Variants in ARL8B observed in about 807,000 individuals in gnomAD.
ARL8B encodes ARF like GTPase 8B.
Under a neutral mutation model 30.6 loss-of-function variants are expected in ARL8B, and 9 were observed. That is an observed-to-expected ratio of 0.29 (90% CI 0.18 to 0.51). ARL8B has a LOEUF of 0.51. Ranked by LOEUF, ARL8B falls within the 20% of genes least tolerant of loss-of-function variation. The pLI, the probability that ARL8B is intolerant of heterozygous loss-of-function variation, is 0.97. For synonymous variants in ARL8B, 74 were observed against 76.0 expected (o/e 0.97, Z 0.14); for missense variants, 130 against 227.2 (o/e 0.57, Z 2.75).
intron 1 of ARL8B, among the ~76,000 whole-genome samples, chr3:5,139,157 G>A (rs1189396592): frequency 6.6e-6 from 1 of 152,166 alleles, no homozygotes; most frequent in African/African-American, 2.4e-5. Flanking sequence ...ATTAGTTTGG[G>A]AGATGAAGTT....
At chr3:5,124,773 T>C (rs1386724217) in intron 1 of ARL8B, among the ~76,000 whole-genome samples, 1 of 152,222 alleles carries the variant, frequency 6.6e-6, no homozygotes, top group Non-Finnish European at 1.5e-5. Context: ...AGAGCTTTTA[T>C]ATAATATGGA....
At chr3:5,148,294 T>C (rs11711365) in intron 1 of ARL8B, among the ~76,000 whole-genome samples, 60,064 of 152,020 alleles carry the variant, frequency 0.4, 13,763 homozygotes, top group African/African-American at 0.65. Context: ...CCAATATCTC[T>C]GTGTCCCATG....
At chr3:5,136,029 C>T (rs2054322691) in intron 1 of ARL8B, among the ~76,000 whole-genome samples, 1 of 151,582 alleles carries the variant, frequency 6.6e-6, no homozygotes, top group African/African-American at 2.4e-5. Flanking sequence ...CTCAGGCAGT[C>T]CACCCGCCTC....
chr3:5,170,617 G>T lies in ARL8B; in HGVS notation c.204+34G>T, dbSNP rs182910757. 181 of 1,507,554 alleles carry T rather than the reference G, an allele frequency of 1.2e-4. No individual in the cohort carries two copies. The East Asian group carries it at 3.9e-3, about 33-fold the overall frequency. 93.4% of individuals were successfully genotyped at this position (1,507,554 alleles called of 1,614,324 possible). On this transcript the variant is annotated intron_variant, in intron 2 of 6. Coordinates refer to ENST00000256496, the MANE Select transcript of ARL8B (RefSeq NM_018184.3). ...TTTCTTGCCGTACGCAATTTAAATTGTTAGCACAGACCCCTAGAAATTTTT... is the reference window on the plus strand; with the variant it reads ...TTTCTTGCCGTACGCAATTTAAATTTTTAGCACAGACCCCTAGAAATTTTT...
chr3:5,172,544 A>C, intron 3 of ARL8B, 103 bp from the exon 4 acceptor site: 1 of 814,282 alleles, frequency 1.2e-6, no homozygotes, highest in Non-Finnish European at 2.0e-6. Flanking sequence ...TTGGTTAATA[A>C]TTTCAATAAT....
intron 1 of ARL8B, among the ~76,000 whole-genome samples, chr3:5,123,156 G>C (rs969686521): frequency 6.6e-6 from 1 of 152,128 alleles, no homozygotes; most frequent in African/African-American, 2.4e-5. Context: ...TCCCCCAGGC[G>C]CGGAGACCAA....
intron 1 of ARL8B, among the ~76,000 whole-genome samples, chr3:5,151,245 G>A (rs895142789): frequency 6.6e-6 from 1 of 151,890 alleles, no homozygotes; most frequent in Admixed American, 6.6e-5. Context: ...TAAATGGGGG[G>A]CTTAGATTGT....
chr3:5,125,440 C>T (rs1208012743), intron 1 of ARL8B, among the ~76,000 whole-genome samples: 1 of 151,848 alleles, frequency 6.6e-6, no homozygotes, highest in East Asian at 1.9e-4. Flanking sequence ...TGTGTTCCCC[C>T]CTGCCCCGCC....
rs181573664 is a variant in ARL8B at position 5,178,975 on chromosome 3, A to C, written c.*262A>C. On this transcript the variant is annotated 3_prime_UTR_variant, in exon 7 of 7. Coordinates refer to ENST00000256496, the MANE Select transcript of ARL8B (RefSeq NM_018184.3). ...AAACCATGTGTAGAGCTTTAAAAACAGAAAAAAAACCCCATATACTTATGA... is the reference window on the plus strand; with the variant it reads ...AAACCATGTGTAGAGCTTTAAAAACCGAAAAAAAACCCCATATACTTATGA... 1.3e-3 allele frequency: 514 copies of C among 390,972 alleles called. 1 individual carries two copies. The highest frequency in any genetic ancestry group is 1.8e-3 in the Non-Finnish European group (418 of 236,304). The allele number at this position is 390,972 out of a possible 1,614,324, so 24.2% of individuals were successfully genotyped here.
chr3:5,169,384 CTTCAT>C lies in ARL8B; in HGVS notation c.124-1115_124-1111del, dbSNP rs373415784. Reference sequence around the variant, plus strand: ...TGGCTCATTTCATTTAGCAAAATGTCTTCATTTCTTTTGAGTGTATATTCAGAAGT... The same window carrying C: ...TGGCTCATTTCATTTAGCAAAATGTCTTCTTTTGAGTGTATATTCAGAAGT... On this transcript the variant is annotated intron_variant, in intron 1 of 6. Transcript: ENST00000256496. Among the ~76,000 whole-genome samples, 445 of 150,914 alleles carry C rather than the reference CTTCAT, an allele frequency of 2.9e-3. 3 individuals are homozygous for C. Among genetic ancestry groups the C allele is most frequent in the African/African-American group, 0.011 (438 of 41,178 alleles).
At chr3:5,148,431 TG>T (rs1185411485) in intron 1 of ARL8B, among the ~76,000 whole-genome samples, 1 of 152,166 alleles carries the variant, frequency 6.6e-6, no homozygotes, top group Non-Finnish European at 1.5e-5. Flanking sequence ...AAGGAGCAGT[TG>T]GTTTGGCTCT....
chr3:5,140,571 G>C (rs1300039672), intron 1 of ARL8B, among the ~76,000 whole-genome samples: 4 of 119,912 alleles, frequency 3.3e-5, no homozygotes, highest in Non-Finnish European at 7.0e-5. Context: ...TTTTTTTTTT[G>C]GCAAAATTTC....
In ARL8B at chr3:5,139,986, T is replaced by TA. The variant is rs1559277851; in HGVS notation, c.123+17398_123+17399insA. 8.0e-5 allele frequency among the ~76,000 whole-genome samples: 11 copies of TA among 137,478 alleles called. 1 individual carries two copies. The highest frequency in any genetic ancestry group is 3.3e-4 in the African/African-American group (11 of 33,208). 90.2% of individuals were successfully genotyped at this position (137,478 alleles called of 152,430 possible). On this transcript the variant is annotated intron_variant, in intron 1 of 6. Transcript: ENST00000256496. ...TCACTACACAAGATGTGATTAGTTTTGTTTTTTTTTTTTTTTTTGAGACGG... is the reference window on the plus strand; with the variant it reads ...TCACTACACAAGATGTGATTAGTTTTAGTTTTTTTTTTTTTTTTTGAGACGG...
rs1359447792 is a variant in ARL8B at position 5,122,576 on chromosome 3, C to T, written c.111C>T (p.Val37=). Residue 37 remains valine, a synonymous_variant, in exon 1 of 7, where the codon GTC becomes GTT. Coordinates refer to ENST00000256496, the MANE Select transcript of ARL8B (RefSeq NM_018184.3). ...GLQYSGKTTF[V]NVIASGQFSE... is the part of the protein sequence containing the mutation. ...AGTACTCGGGCAAGACCACCTTCGT[C>T]AATGTCATCGCGGTGAGCGCCCGCC... The T allele has an allele frequency of 6.2e-7, 1 of 1,603,262 alleles. No individual in the cohort carries two copies. Among genetic ancestry groups the T allele is most frequent in the Non-Finnish European group, 8.5e-7 (1 of 1,173,118 alleles).
intron 1 of ARL8B, among the ~76,000 whole-genome samples, chr3:5,126,980 G>A (rs572267881): frequency 6.6e-6 from 1 of 152,296 alleles, no homozygotes; most frequent in Non-Finnish European, 1.5e-5. Flanking sequence ...TTAAATGGAA[G>A]TATAAAAATT....
intron 1 of ARL8B, among the ~76,000 whole-genome samples, chr3:5,166,021 G>A (rs1055421239): frequency 2.0e-5 from 3 of 150,092 alleles, no homozygotes; most frequent in Non-Finnish European, 3.0e-5. Flanking sequence ...CCCCTCACCC[G>A]TTTCTATTGT....
intron 1 of ARL8B, among the ~76,000 whole-genome samples, chr3:5,127,024 A>G (rs1047571073): frequency 6.6e-6 from 1 of 152,238 alleles, no homozygotes; most frequent in Non-Finnish European, 1.5e-5. Context: ...GATACCTGAA[A>G]GGTTAATCCA....
At chr3:5,141,987 C>CT (rs1274409597) in intron 1 of ARL8B, among the ~76,000 whole-genome samples, 1 of 152,142 alleles carries the variant, frequency 6.6e-6, no homozygotes, top group Admixed American at 6.5e-5. Flanking sequence ...CGGCACTCCC[C>CT]TAGGGACTCC....
chr3:5,164,267 TTA>T lies in ARL8B; in HGVS notation c.124-6234_124-6233del, dbSNP rs1342406607. ...TTCCTGAACTAATTGTCAGAATTCT[TTA>T]TGATTGATTCTGTTCATGAATTTTA... is the stretch of plus-strand genomic sequence containing the variant. On this transcript the variant is annotated intron_variant, in intron 1 of 6. Transcript: ENST00000256496. Among the ~76,000 whole-genome samples the T allele has an allele frequency of 3.9e-5, 6 of 152,354 alleles. No homozygotes were observed. The East Asian group carries it at 1.2e-3, about 29-fold the overall frequency.
Sources: allele counts gnomAD v4.1 joint callset (sites outside exome capture counted in the v4.1 genomes callset), GRCh38; gene constraint gnomAD v4.1.1; transcripts MANE v1.5; gene names NCBI Gene and HGNC (gene_info 2026-07-23, HGNC 2026-07-21).